The following CCDC178 variants were observed in gnomAD, a reference collection of about 807,000 sequenced individuals.
CCDC178 encodes the protein coiled-coil domain-containing protein 178.
CCDC178 carries 126 observed loss-of-function variants against 117.4 expected under a neutral mutation model. The ratio of observed to expected loss-of-function variants is 1.07; its 90% CI spans 0.93 to 1.24. The LOEUF (loss-of-function observed/expected upper bound fraction) is 1.24, where lower values mean the gene tolerates loss of function less well. Ranked by LOEUF, CCDC178 falls within the 50% of genes most tolerant of loss-of-function variation. The pLI is 0.00. For missense variants in CCDC178, 1,030 were observed against 986.9 expected, an observed-to-expected ratio of 1.04 and a Z score of -0.59; for synonymous variants, 283 against 313.4, an observed-to-expected ratio of 0.90 and a Z score of 1.02.
At chr18:33,435,290 C>T (rs1447099863) in intron 2 of CCDC178, among the ~76,000 whole-genome samples, 1 of 152,134 alleles carries the variant, frequency 6.6e-6, no homozygotes, top group African/African-American at 2.4e-5. Flanking sequence ...ACATTAACCA[C>T]CTTCAACTAC....
chr18:32,996,463 G>A (rs1238204055), intron 21 of CCDC178, among the ~76,000 whole-genome samples: 1 of 151,856 alleles, frequency 6.6e-6, no homozygotes, highest in East Asian at 1.9e-4. Context: ...AGTCAACAAT[G>A]TTGAGAAAAC....
intron 20 of CCDC178, among the ~76,000 whole-genome samples, chr18:33,202,117 G>A (rs993864533): frequency 2.6e-5 from 4 of 151,926 alleles, no homozygotes; most frequent in South Asian, 2.1e-4. Context: ...TCTACTGGCC[G>A]GGCGCGGTGG....
intron 7 of CCDC178, among the ~76,000 whole-genome samples, chr18:33,355,527 G>C (rs1185749303): frequency 6.6e-6 from 1 of 152,222 alleles, no homozygotes; most frequent in Non-Finnish European, 1.5e-5. Context: ...CTAAAGGTCA[G>C]CCAGAAGTAA....
chr18:33,105,523 G>T (rs908253968), intron 20 of CCDC178, among the ~76,000 whole-genome samples: 5 of 151,558 alleles, frequency 3.3e-5, no homozygotes, highest in Admixed American at 6.6e-5. Flanking sequence ...TTTTAAAAGT[G>T]TCCACTTGAG....
intron 2 of CCDC178, among the ~76,000 whole-genome samples, chr18:33,439,009 T>C (rs72949730): frequency 0.16 from 23,862 of 152,160 alleles, 1,933 homozygotes; most frequent in East Asian, 0.19. Context: ...GACATTGCTG[T>C]CAATCGTAGT....
chr18:33,111,747 A>G (rs2057785903), intron 20 of CCDC178, among the ~76,000 whole-genome samples: 1 of 151,742 alleles, frequency 6.6e-6, no homozygotes, highest in Non-Finnish European at 1.5e-5. Context: ...TCCATTCATG[A>G]GAATAATAAA....
intron 21 of CCDC178, among the ~76,000 whole-genome samples, chr18:33,051,857 T>C (rs1176696089): frequency 1.3e-5 from 2 of 152,236 alleles, no homozygotes; most frequent in African/African-American, 4.8e-5. Context: ...CAAATTAGTA[T>C]GCAACATAAG....
rs77283342 is a variant in CCDC178, at chr18:33,182,980, T to C, written c.2238+28916A>G. Reference sequence around the variant, plus strand: ...TTTTATTACATCACACCAATACTTGTTTCTTACCTTTTTCTCTAAAGAATT... The same window carrying C: ...TTTTATTACATCACACCAATACTTGCTTCTTACCTTTTTCTCTAAAGAATT... On this transcript the variant is annotated intron_variant, in intron 20 of 22. Coordinates refer to ENST00000383096, the MANE Select transcript of CCDC178 (RefSeq NM_001105528.4). Among the ~76,000 whole-genome samples the C allele has an allele frequency of 4.6e-3, 703 of 152,178 alleles. 5 individuals carry two copies. Among genetic ancestry groups the C allele is most frequent in the African/African-American group, 0.016 (674 of 41,560 alleles).
intron 10 of CCDC178, among the ~76,000 whole-genome samples, chr18:33,327,340 T>A (rs1005925429): frequency 4.6e-5 from 7 of 152,216 alleles, no homozygotes; most frequent in Non-Finnish European, 1.0e-4. Context: ...TTTGTTTATC[T>A]CAGTAAACAA....
chr18:33,011,723 G>A (rs2055869206), intron 21 of CCDC178, among the ~76,000 whole-genome samples: 1 of 125,970 alleles, frequency 7.9e-6, no homozygotes, highest in South Asian at 2.8e-4. Flanking sequence ...GAAGGGTTTT[G>A]GCAAACAGGC....
At chr18:32,951,927 A>C (rs1160678142) in intron 22 of CCDC178, among the ~76,000 whole-genome samples, 1 of 152,220 alleles carries the variant, frequency 6.6e-6, no homozygotes, top group African/African-American at 2.4e-5. Context: ...TCCAAAATCC[A>C]ATAGGGCAGT....
intron 21 of CCDC178, among the ~76,000 whole-genome samples, chr18:33,083,197 G>A (rs373880783): frequency 2.1e-4 from 32 of 152,146 alleles, no homozygotes; most frequent in African/African-American, 7.7e-4. Context: ...GGCTCCAAGA[G>A]GTAAATGACT....
chr18:33,287,155 C>T (rs561407177), intron 12 of CCDC178, among the ~76,000 whole-genome samples: 2,018 of 63,664 alleles, frequency 0.032, 23 homozygotes, highest in Non-Finnish European at 0.062. Flanking sequence ...GCACAAAATG[C>T]CTTGAAATTA....
At chr18:33,401,962 A>G (rs1420627047) in intron 3 of CCDC178, among the ~76,000 whole-genome samples, 1 of 152,198 alleles carries the variant, frequency 6.6e-6, no homozygotes, top group Non-Finnish European at 1.5e-5. Context: ...TCTATTTAAT[A>G]AACTAGCTAT....
chr18:33,331,482 G>A (rs550957818), intron 10 of CCDC178, among the ~76,000 whole-genome samples: 1 of 151,922 alleles, frequency 6.6e-6, no homozygotes, highest in South Asian at 2.1e-4. Context: ...AGCTTATTTG[G>A]CATTTTCTAA....
At chr18:33,073,555 A>ATCTATC (rs1567971425) in intron 21 of CCDC178, among the ~76,000 whole-genome samples, 16 of 121,428 alleles carry the variant, frequency 1.3e-4, no homozygotes, top group Admixed American at 3.1e-4. Flanking sequence ...ATCTATCTAT[A>ATCTATC]TATATATCTT....
At chr18:33,154,364 A>G (rs567826727) in intron 20 of CCDC178, among the ~76,000 whole-genome samples, 2 of 152,286 alleles carry the variant, frequency 1.3e-5, no homozygotes, top group East Asian at 3.9e-4. Flanking sequence ...TGACTCATAG[A>G]CAAGATAAAA....
chr18:33,333,120 T>A, intron 10 of CCDC178, 54 bp downstream of exon 10: 5 of 1,144,506 alleles, frequency 4.4e-6, no homozygotes, highest in Non-Finnish European at 6.3e-6. Flanking sequence ...GGTTGAAAAG[T>A]TTTTGCATAA....
intron 20 of CCDC178, among the ~76,000 whole-genome samples, chr18:33,138,651 G>C (rs1255604170): frequency 1.3e-5 from 2 of 152,074 alleles, no homozygotes; most frequent in African/African-American, 4.8e-5. Flanking sequence ...TATGTCAAGG[G>C]CTTTATTTCA....
Sources: allele counts gnomAD v4.1 joint callset (sites outside exome capture counted in the v4.1 genomes callset), GRCh38; gene constraint gnomAD v4.1.1; transcripts MANE v1.5; gene names NCBI Gene and HGNC (gene_info 2026-07-23, HGNC 2026-07-21).